RAB28: variants seen among roughly 807,000 people sequenced by gnomAD.
RAB28 encodes RAB28, member RAS oncogene family.
RAB28 carries 24 observed loss-of-function variants against 31.7 expected under a neutral mutation model. The observed-to-expected ratio is 0.76, with a 90% CI of 0.55 to 1.06. RAB28 has a LOEUF of 1.06. RAB28 is among the 50% of genes least tolerant of loss of function. The probability of loss-of-function intolerance (pLI) is 0.00; values close to 1 mark genes in which losing one functional copy is unlikely to be tolerated. For missense variants in RAB28, 254 were observed against 258.5 expected (o/e 0.98, Z 0.12); for synonymous variants, 100 against 90.4 (o/e 1.11, Z -0.60).
intron 4 of RAB28, among the ~76,000 whole-genome samples, chr4:13,406,326 T>G (rs1159955929): frequency 6.6e-6 from 1 of 152,208 alleles, no homozygotes; most frequent in Admixed American, 6.5e-5. Flanking sequence ...GCAAAGGACA[T>G]GAGCTCATCC....
At chr4:13,476,727 T>C (rs1000413987) in intron 2 of RAB28, among the ~76,000 whole-genome samples, 4 of 151,542 alleles carry the variant, frequency 2.6e-5, no homozygotes, top group African/African-American at 7.2e-5. Context: ...ATTCAAATAA[T>C]ATTATAATTT....
In RAB28 at chr4:13,378,931, C is replaced by T. The variant is rs1054564561; in HGVS notation, c.496-2309G>A. 3.9e-5 allele frequency among the ~76,000 whole-genome samples: 6 copies of T among 152,080 alleles called. No individual in the cohort carries two copies. The East Asian group carries it at 1.2e-3, about 29-fold the overall frequency. ...AGAGAAGCTATGAAATAGTCATCGG[C>T]CTGGTGCATTGGCTCACACCTGTAA... is the stretch of plus-strand genomic sequence containing the variant. On this transcript the variant is annotated intron_variant, in intron 5 of 6. Transcript: ENST00000330852.
chr4:13,411,111 A>G (rs2108909445), intron 4 of RAB28, among the ~76,000 whole-genome samples: 1 of 152,298 alleles, frequency 6.6e-6, no homozygotes, highest in African/African-American at 2.4e-5. Context: ...GGAAAAATAC[A>G]TAAGAATCAA....
At chr4:13,419,337 T>C (rs189581320) in intron 4 of RAB28, among the ~76,000 whole-genome samples, 1 of 152,144 alleles carries the variant, frequency 6.6e-6, no homozygotes, top group Non-Finnish European at 1.5e-5. Context: ...ATTAGACAGA[T>C]CAACGAGACA....
chr4:13,425,320 A>G (rs1371830856), intron 4 of RAB28, among the ~76,000 whole-genome samples: 1 of 152,222 alleles, frequency 6.6e-6, no homozygotes, highest in Non-Finnish European at 1.5e-5. Flanking sequence ...TTTTATCAAG[A>G]AGATCAGCAA....
intron 4 of RAB28, among the ~76,000 whole-genome samples, chr4:13,433,368 A>C (rs1713921197): frequency 6.6e-6 from 1 of 152,202 alleles, no homozygotes; most frequent in Non-Finnish European, 1.5e-5. Context: ...GAAAGCAGAC[A>C]ATCTGCAAAA....
intron 3 of RAB28, chr4:13,474,095 C>G: frequency 1.5e-6 from 1 of 681,206 alleles, no homozygotes; most frequent in Non-Finnish European, 2.7e-6. Flanking sequence ...AAATAACATA[C>G]GAAAGCTGTT....
chr4:13,466,534 A>G (rs1715853445), intron 3 of RAB28, among the ~76,000 whole-genome samples: 1 of 152,098 alleles, frequency 6.6e-6, no homozygotes, highest in South Asian at 2.1e-4. Context: ...TATCAAAAAG[A>G]TGAAAGATAA....
At chr4:13,460,895 G>C in intron 3 of RAB28, 67 bp from the exon 4 acceptor site, 5 of 1,447,012 alleles carry the variant, frequency 3.5e-6, no homozygotes, top group Non-Finnish European at 4.8e-6. Flanking sequence ...ATGAATACTT[G>C]CGTAATGCTT....
intron 4 of RAB28, among the ~76,000 whole-genome samples, chr4:13,388,920 C>T (rs373096842): frequency 3.0e-4 from 46 of 152,162 alleles, no homozygotes; most frequent in African/African-American, 1.1e-3. Context: ...CATAGAACGA[C>T]TGTATGATCC....
chr4:13,395,855 A>G (rs9992128), intron 4 of RAB28, among the ~76,000 whole-genome samples: 2,411 of 152,110 alleles, frequency 0.016, 63 homozygotes, highest in African/African-American at 0.054. Context: ...AGGCTTCACA[A>G]TGTTCCTAGT....
intron 4 of RAB28, among the ~76,000 whole-genome samples, chr4:13,440,336 T>G (rs958629935): frequency 6.6e-6 from 1 of 152,026 alleles, no homozygotes; most frequent in South Asian, 2.1e-4. Context: ...ATTAGAAGTA[T>G]GAGGATAGAA....
At chr4:13,456,465 T>C (rs1053348917) in intron 4 of RAB28, among the ~76,000 whole-genome samples, 1 of 152,218 alleles carries the variant, frequency 6.6e-6, no homozygotes, top group Non-Finnish European at 1.5e-5. Flanking sequence ...CAATATCTCA[T>C]TTAATCTTTA....
At chr4:13,453,936 T>C (rs1465663003) in intron 4 of RAB28, among the ~76,000 whole-genome samples, 3 of 152,184 alleles carry the variant, frequency 2.0e-5, no homozygotes, top group Non-Finnish European at 2.9e-5. Flanking sequence ...TCTCTTCTCT[T>C]TTCCTTCTGG....
intron 4 of RAB28, among the ~76,000 whole-genome samples, chr4:13,447,877 G>A (rs1163166398): frequency 6.6e-6 from 1 of 152,070 alleles, no homozygotes; most frequent in African/African-American, 2.4e-5. Flanking sequence ...TACAAATGAA[G>A]TTAAAATTAA....
chr4:13,372,553 T>C (rs373625997), intron 6 of RAB28, among the ~76,000 whole-genome samples: 1 of 152,142 alleles, frequency 6.6e-6, no homozygotes, highest in African/African-American at 2.4e-5. Flanking sequence ...AAAAATGTTA[T>C]GTAATATGAA....
At chr4:13,468,267 G>A (rs566732414) in intron 3 of RAB28, among the ~76,000 whole-genome samples, 19 of 151,878 alleles carry the variant, frequency 1.3e-4, no homozygotes, top group East Asian at 1.9e-4. Flanking sequence ...TATAGACTAC[G>A]GTATTCATTA....
chr4:13,387,085 G>C (rs1015319293), intron 4 of RAB28, among the ~76,000 whole-genome samples: 1 of 152,006 alleles, frequency 6.6e-6, no homozygotes, highest in Non-Finnish European at 1.5e-5. Context: ...AGACACTGTG[G>C]CCTACAAGAG....
intron 4 of RAB28, among the ~76,000 whole-genome samples, chr4:13,410,798 T>G (rs1001085231): frequency 2.0e-5 from 3 of 152,098 alleles, no homozygotes; most frequent in Non-Finnish European, 4.4e-5. Flanking sequence ...CATATTTAAA[T>G]AGGAATAAGT....
Sources: gnomAD v4.1 joint callset for allele counts (sites outside exome capture counted in the v4.1 genomes callset) on GRCh38, gnomAD v4.1.1 for gene constraint, MANE v1.5 for transcripts, NCBI Gene and HGNC (gene_info 2026-07-23, HGNC 2026-07-21) for gene names.